Variants in THSD7B observed in about 807,000 individuals in gnomAD.
THSD7B encodes thrombospondin type-1 domain-containing protein 7B.
A neutral mutation model predicts 213.6 loss-of-function variants in THSD7B; 138 were observed. The observed-to-expected ratio is 0.65, with a 90% confidence interval of 0.56 to 0.74. The LOEUF (loss-of-function observed/expected upper bound fraction) is 0.74. Ranked by LOEUF, THSD7B falls within the 30% of genes least tolerant of loss-of-function variation. The probability of loss-of-function intolerance (pLI) is 0.00; values close to 1 mark genes in which losing one functional copy is unlikely to be tolerated. For missense variants in THSD7B, 1,931 were observed against 1,991.5 expected (o/e 0.97, Z 0.58); for synonymous variants, 742 against 687.0 (o/e 1.08, Z -1.25).
At chr2:137,612,384 C>A (rs971655495) in intron 17 of THSD7B, among the ~76,000 whole-genome samples, 6 of 152,106 alleles carry the variant, frequency 3.9e-5, no homozygotes, top group African/African-American at 1.4e-4. Flanking sequence ...ATTCTGGTTA[C>A]CCCTATTCCA....
intron 2 of THSD7B, among the ~76,000 whole-genome samples, chr2:136,992,687 T>C (rs1685810106): frequency 6.6e-6 from 1 of 152,200 alleles, no homozygotes. Flanking sequence ...GGTTGAAAAC[T>C]GCCCTGTCCC....
intron 1 of THSD7B, among the ~76,000 whole-genome samples, chr2:136,874,478 G>A (rs1683492562): frequency 6.6e-6 from 1 of 152,174 alleles, no homozygotes; most frequent in South Asian, 2.1e-4. Context: ...ATGAGATGGC[G>A]CTATGGAGAT....
In THSD7B at chr2:137,168,655, C is replaced by T. The variant is rs761824248; in HGVS notation, c.1526-2086C>T. ...ATTAAGCTCCAAATAATAGGACACC[C>T]AGAATCCTTCATAAAGACTTCTAAG... On this transcript the variant is annotated intron_variant, in intron 6 of 27. Transcript: ENST00000409968. Among the ~76,000 whole-genome samples the T allele has an allele frequency of 4.4e-4, 67 of 152,144 alleles. 1 individual carries two copies. Among genetic ancestry groups the T allele is most frequent in the Non-Finnish European group, 4.1e-4 (28 of 68,024 alleles).
chr2:136,939,556 T>C (rs1436019355), intron 2 of THSD7B, among the ~76,000 whole-genome samples: 1 of 152,210 alleles, frequency 6.6e-6, no homozygotes, highest in African/African-American at 2.4e-5. Context: ...AGGCATATGC[T>C]GTGTGGAATT....
intron 7 of THSD7B, among the ~76,000 whole-genome samples, chr2:137,196,527 A>C (rs1054180229): frequency 1.3e-5 from 2 of 151,928 alleles, no homozygotes; most frequent in African/African-American, 4.8e-5. Flanking sequence ...ATCCCTAAAT[A>C]CTTACGGGTG....
Position 137,190,536 on chromosome 2 carries a change from C to T in THSD7B, c.1723+19598C>T, listed in dbSNP as rs192544462. On this transcript the variant is annotated intron_variant, in intron 7 of 27. Coordinates refer to ENST00000409968, the MANE Select transcript of THSD7B (RefSeq NM_001316349.2). ...GAGCTTGCTCTTTTTCTGAACCCAT[C>T]GACTTTGATGACACTTGGCAAAAGT... 9.5e-4 allele frequency among the ~76,000 whole-genome samples: 144 copies of T among 152,200 alleles called. 1 individual carries two copies. The highest frequency in any genetic ancestry group is 1.8e-3 in the Non-Finnish European group (124 of 68,026).
Position 137,337,022 on chromosome 2 carries a change from C to T in THSD7B, c.2500+60996C>T, listed in dbSNP as rs149480806. ...GTATGCCACCTTTCCCTGTTGTTAA[C>T]ATCTTATGTGAGAATAATAATACCT... On this transcript the variant is annotated intron_variant, in intron 12 of 27. Transcript: ENST00000409968. Among the ~76,000 whole-genome samples the T allele has an allele frequency of 1.8e-3, 279 of 151,748 alleles. 2 individuals carry two copies. The highest frequency in any genetic ancestry group is 0.017 in the East Asian group (87 of 5,158).
chr2:137,357,925 A>G (rs957050708), intron 12 of THSD7B, among the ~76,000 whole-genome samples: 1 of 152,186 alleles, frequency 6.6e-6, no homozygotes, highest in Non-Finnish European at 1.5e-5. Flanking sequence ...TGTATTTCCA[A>G]TAGTCCCCTT....
chr2:137,367,419 T>A (rs1288000394), intron 12 of THSD7B, among the ~76,000 whole-genome samples: 2 of 152,134 alleles, frequency 1.3e-5, no homozygotes, highest in East Asian at 3.9e-4. Flanking sequence ...GTGATGGCAC[T>A]TGTGTGAAAT....
intron 12 of THSD7B, among the ~76,000 whole-genome samples, chr2:137,313,833 C>T (rs1253677672): frequency 6.6e-6 from 1 of 152,084 alleles, no homozygotes; most frequent in Non-Finnish European, 1.5e-5. Flanking sequence ...TGAATATTGG[C>T]CCCCGCTCTC....
intron 2 of THSD7B, among the ~76,000 whole-genome samples, chr2:136,997,107 A>G (rs764123097): frequency 6.6e-6 from 1 of 152,212 alleles, no homozygotes; most frequent in Non-Finnish European, 1.5e-5. Flanking sequence ...TAGTCCCAGT[A>G]ACATCAAGGA....
chr2:137,022,940 A>C (rs1346512545), intron 2 of THSD7B, among the ~76,000 whole-genome samples: 4 of 152,204 alleles, frequency 2.6e-5, no homozygotes, highest in Non-Finnish European at 2.9e-5. Flanking sequence ...TTCCAAGAAA[A>C]TTATTTACAA....
chr2:137,300,669 A>G (rs1251575179), intron 12 of THSD7B, among the ~76,000 whole-genome samples: 1 of 152,186 alleles, frequency 6.6e-6, no homozygotes, highest in Non-Finnish European at 1.5e-5. Context: ...AATTCATGAG[A>G]GGATGGCATT....
At chr2:137,669,182 T>TA (rs1171894318) in intron 27 of THSD7B, among the ~76,000 whole-genome samples, 3 of 152,198 alleles carry the variant, frequency 2.0e-5, no homozygotes, top group African/African-American at 7.2e-5. Context: ...GGAGAGTTTT[T>TA]ACCCAAGTTT....
At chr2:137,592,369 G>T (rs766659730) in intron 17 of THSD7B, among the ~76,000 whole-genome samples, 42 of 151,152 alleles carry the variant, frequency 2.8e-4, no homozygotes, top group Non-Finnish European at 5.5e-4. Flanking sequence ...TATATTATTT[G>T]TAAATATCCA....
At chr2:137,399,455 A>C (rs944540015) in intron 12 of THSD7B, among the ~76,000 whole-genome samples, 2 of 152,062 alleles carry the variant, frequency 1.3e-5, no homozygotes, top group East Asian at 3.9e-4. Context: ...GGCCTCCGAA[A>C]GTGCTGGGAT....
chr2:137,076,923 C>CG (rs1371462842), intron 3 of THSD7B, among the ~76,000 whole-genome samples: 3 of 151,688 alleles, frequency 2.0e-5, no homozygotes, highest in African/African-American at 7.3e-5. Flanking sequence ...GTGCTACACC[C>CG]ATTAACTTGT....
chr2:136,982,470 G>T (rs1685599194), intron 2 of THSD7B, among the ~76,000 whole-genome samples: 3 of 152,080 alleles, frequency 2.0e-5, no homozygotes, highest in African/African-American at 7.2e-5. Context: ...ACACCCACCT[G>T]TAAAAATGTA....
intron 5 of THSD7B, among the ~76,000 whole-genome samples, chr2:137,126,731 C>T (rs930557635): frequency 6.6e-6 from 1 of 152,166 alleles, no homozygotes; most frequent in Non-Finnish European, 1.5e-5. Context: ...TGCTTTCAGC[C>T]AGTCTTGGCT....
Sources: gnomAD v4.1 joint callset for allele counts (sites outside exome capture counted in the v4.1 genomes callset) on GRCh38, gnomAD v4.1.1 for gene constraint, MANE v1.5 for transcripts, NCBI Gene and HGNC (gene_info 2026-07-23, HGNC 2026-07-21) for gene names.